LUC7L2: variants seen among roughly 807,000 people sequenced by gnomAD.
The protein encoded by LUC7L2 is LUC7 like 2, pre-mRNA splicing factor.
In LUC7L2, 25 loss-of-function variants were observed where a neutral mutation model predicts 52.8. The ratio of observed to expected loss-of-function variants is 0.47; its 90% CI spans 0.34 to 0.66. The LOEUF is 0.66. Among genes scored for constraint, LUC7L2 ranks in the 30% least tolerant of loss-of-function variants. The probability of loss-of-function intolerance (pLI) is 0.01; values close to 1 mark genes in which losing one functional copy is unlikely to be tolerated. For missense variants in LUC7L2, 328 were observed against 497.8 expected, an observed-to-expected ratio of 0.66 and a Z score of 3.25; for synonymous variants, 144 against 160.9, an observed-to-expected ratio of 0.89 and a Z score of 0.80.
chr7:139,379,115 A>G (rs1340892585), intron 2 of LUC7L2, among the ~76,000 whole-genome samples: 2 of 152,176 alleles, frequency 1.3e-5, no homozygotes, highest in African/African-American at 4.8e-5. Flanking sequence ...TCAGCCTCCC[A>G]AAGTGCTGGA....
Position 139,423,225 on chromosome 7 carries a change from TTC to T in LUC7L2, c.*887_*888del, listed in dbSNP as rs1489074498. ...CTATTTGCTGTGGGCATTTCCTCTA[TTC>T]TGTTACGTCATTAACAGTGCCTTAC... On this transcript the variant is annotated 3_prime_UTR_variant, in exon 10 of 10. Coordinates refer to ENST00000354926, the MANE Select transcript of LUC7L2 (RefSeq NM_016019.5). The T allele has an allele frequency of 2.5e-6, 1 of 398,958 alleles. No homozygotes were observed. Among genetic ancestry groups the T allele is most frequent in the Non-Finnish European group, 4.4e-6 (1 of 226,080 alleles). The allele number at this position is 398,958 out of a possible 1,614,324, so 24.7% of individuals were successfully genotyped here.
Position 139,423,103 on chromosome 7 carries a change from A to G in LUC7L2, c.*763A>G. 2.5e-6 allele frequency: 1 copy of G among 398,966 alleles called. No homozygotes were observed. Among genetic ancestry groups the G allele is most frequent in the East Asian group, 3.6e-5 (1 of 28,078 alleles). 24.7% of individuals were successfully genotyped at this position (398,966 alleles called of 1,614,324 possible). A position where few individuals can be genotyped will look rare whatever the true frequency, so the allele number is the denominator to read the frequency against. ...TTTGTGTGTGTGGAGTATAAAGGCT[A>G]CACCCTTATTGTAAAAAAATAATAA... On this transcript the variant is annotated 3_prime_UTR_variant, in exon 10 of 10. Coordinates refer to ENST00000354926, the MANE Select transcript of LUC7L2 (RefSeq NM_016019.5).
At chr7:139,421,349 A>C (rs1795895310) in intron 9 of LUC7L2, among the ~76,000 whole-genome samples, 1 of 152,194 alleles carries the variant, frequency 6.6e-6, no homozygotes, top group African/African-American at 2.4e-5. Context: ...AATAAATGTA[A>C]TTTGTTGAAT....
In LUC7L2 at chr7:139,398,711, C is replaced by CT. The variant is rs1157790937; in HGVS notation, c.255+17dup. On this transcript the variant is annotated intron_variant, in intron 3 of 9. Transcript: ENST00000354926. Reference sequence around the variant, plus strand: ...TTTGAACTTGATGTATGTGATTTTGCTTTAATGGTTTGTTGTTATCTTTTG... The same window carrying CT: ...TTTGAACTTGATGTATGTGATTTTGCTTTTAATGGTTTGTTGTTATCTTTTG... 6.2e-7 allele frequency: 1 copy of CT among 1,604,146 alleles called. No individual in the cohort carries two copies. Among genetic ancestry groups the CT allele is most frequent in the Non-Finnish European group, 8.5e-7 (1 of 1,176,462 alleles).
At chr7:139,385,345 C>T (rs1486343612) in intron 2 of LUC7L2, among the ~76,000 whole-genome samples, 1 of 111,426 alleles carries the variant, frequency 9.0e-6, no homozygotes, top group African/African-American at 2.9e-5. Flanking sequence ...TTTAAAGAAA[C>T]AGGTTCTCAT....
intron 6 of LUC7L2, among the ~76,000 whole-genome samples, chr7:139,408,461 G>C (rs935773142): frequency 2.6e-5 from 4 of 152,086 alleles, no homozygotes; most frequent in Admixed American, 6.6e-5. Context: ...GATTTATAAT[G>C]GTTGATGTTT....
chr7:139,359,789 G>C, upstream of LUC7L2: 1 of 401,862 alleles, frequency 2.5e-6, no homozygotes, highest in East Asian at 3.6e-5. Context: ...CGCGCCCAGA[G>C]CCGTTAGGGT....
intron 1 of LUC7L2, among the ~76,000 whole-genome samples, chr7:139,348,041 G>C (rs1285468470): frequency 6.6e-6 from 1 of 152,062 alleles, no homozygotes; most frequent in Non-Finnish European, 1.5e-5. Context: ...CATGGATGCA[G>C]GTTTGTTATT....
chr7:139,422,039 C>T (rs1176973371), intron 9 of LUC7L2, 124 bp from the exon 10 acceptor site: 2 of 1,395,234 alleles, frequency 1.4e-6, no homozygotes, highest in East Asian at 2.6e-5. Context: ...AAAACTGACT[C>T]CTCTGTCATG....
intron 1 of LUC7L2, among the ~76,000 whole-genome samples, chr7:139,350,965 C>T (rs542234813): frequency 5.5e-4 from 83 of 152,220 alleles, no homozygotes; most frequent in Admixed American, 1.8e-3. Context: ...TGAGCCACTG[C>T]GCCTGGCCCA....
At chr7:139,369,514 T>C (rs1245383511) in intron 1 of LUC7L2, among the ~76,000 whole-genome samples, 1 of 152,184 alleles carries the variant, frequency 6.6e-6, no homozygotes, top group Non-Finnish European at 1.5e-5. Context: ...GTGCAGGGCA[T>C]GGAATAGAGC....
chr7:139,415,054 GTTTTTTTTTTTTTTTTT>G (rs1171809951), intron 8 of LUC7L2, among the ~76,000 whole-genome samples: 1 of 54,192 alleles, frequency 1.8e-5, no homozygotes, highest in Non-Finnish European at 3.1e-5. Flanking sequence ...GCCCTGCTAA[GTTTTTTTTTTTTTTTTT>G]TTTTTTTTTT....
At chr7:139,355,522 A>C (rs1293858200), upstream of LUC7L2, among the ~76,000 whole-genome samples, 1 of 152,208 alleles carries the variant, frequency 6.6e-6, no homozygotes, top group Non-Finnish European at 1.5e-5. Context: ...GAAGCAGCCA[A>C]GCTTGGAAAT....
chr7:139,404,558 A>G (rs1467992300), intron 4 of LUC7L2, among the ~76,000 whole-genome samples: 1 of 152,212 alleles, frequency 6.6e-6, no homozygotes, highest in African/African-American at 2.4e-5. Context: ...CTAACATATT[A>G]TAATTGGCCA....
At chr7:139,389,237 C>T (rs1246469615) in intron 2 of LUC7L2, among the ~76,000 whole-genome samples, 2 of 151,854 alleles carry the variant, frequency 1.3e-5, no homozygotes, top group Non-Finnish European at 2.9e-5. Context: ...TTTATTGTGT[C>T]GTATTTCTGC....
intron 1 of LUC7L2, among the ~76,000 whole-genome samples, chr7:139,350,183 G>T (rs1435794967): frequency 6.6e-6 from 1 of 151,870 alleles, no homozygotes; most frequent in Non-Finnish European, 1.5e-5. Context: ...GTGCAGTGGC[G>T]CGATCTCTGC....
chr7:139,392,717 G>C (rs1794495224), intron 2 of LUC7L2: 1 of 179,682 alleles, frequency 5.6e-6, no homozygotes, highest in African/African-American at 2.4e-5. Context: ...GTGCAATGGT[G>C]TGATCTTGGC....
intron 8 of LUC7L2, chr7:139,417,072 T>C (rs1448207745): frequency 6.5e-6 from 1 of 153,360 alleles, no homozygotes; most frequent in Non-Finnish European, 1.5e-5. Flanking sequence ...AATTTCACTC[T>C]TTTGCCCAGG....
At chr7:139,378,095 A>G (rs965417964) in intron 2 of LUC7L2, among the ~76,000 whole-genome samples, 1 of 151,842 alleles carries the variant, frequency 6.6e-6, no homozygotes, top group African/African-American at 2.4e-5. Flanking sequence ...TGGGATTACA[A>G]GCGTGACCCA....
Sources: gnomAD v4.1 joint callset for allele counts (sites outside exome capture counted in the v4.1 genomes callset) on GRCh38, gnomAD v4.1.1 for gene constraint, MANE v1.5 for transcripts, NCBI Gene and HGNC (gene_info 2026-07-23, HGNC 2026-07-21) for gene names.